The following SPAM1 variants were observed in gnomAD, a reference collection of about 807,000 sequenced individuals.
The protein encoded by SPAM1 is sperm adhesion molecule 1, also known as hyaluronidase PH-20.
In SPAM1, 22 loss-of-function variants were observed where a neutral mutation model predicts 29.6. The ratio of observed to expected loss-of-function variants is 0.74; its 90% CI spans 0.53 to 1.06. SPAM1 has a LOEUF of 1.06. SPAM1 is among the 50% of genes least tolerant of loss of function. The pLI, the probability that SPAM1 is intolerant of heterozygous loss-of-function variation, is 0.00. For synonymous variants in SPAM1, 194 were observed against 204.6 expected, an observed-to-expected ratio of 0.95 and a Z score of 0.44; for missense variants, 534 against 604.0, an observed-to-expected ratio of 0.88 and a Z score of 1.21.
downstream of SPAM1, among the ~76,000 whole-genome samples, chr7:123,963,441 T>C (rs1792385532): frequency 6.6e-6 from 1 of 151,872 alleles, no homozygotes; most frequent in Non-Finnish European, 1.5e-5. Flanking sequence ...TATGGCTTTT[T>C]AGATACCAAT....
downstream of SPAM1, among the ~76,000 whole-genome samples, chr7:123,962,907 TTCCATATAGCAA>T (rs1319173575): frequency 6.6e-6 from 1 of 151,868 alleles, no homozygotes; most frequent in Admixed American, 6.6e-5. Context: ...ATAACTTGCT[TTCCATATAGCAA>T]TATATTTTGG....
chr7:123,967,938 G>C (rs1030877161), intron 5 of SPAM1, among the ~76,000 whole-genome samples: 3 of 152,010 alleles, frequency 2.0e-5, no homozygotes, highest in Admixed American at 1.3e-4. Context: ...CTTGAATTAG[G>C]AAAGTATTAG....
chr7:123,937,526 G>A (rs540136963), intron 1 of SPAM1, among the ~76,000 whole-genome samples: 35 of 151,042 alleles, frequency 2.3e-4, no homozygotes, highest in Admixed American at 1.6e-3. Context: ...GATTGAACCC[G>A]GGAGGCGGAG....
intron 5 of SPAM1, among the ~76,000 whole-genome samples, chr7:123,965,171 C>A (rs1179754833): frequency 6.6e-6 from 1 of 151,914 alleles, no homozygotes; most frequent in Non-Finnish European, 1.5e-5. Flanking sequence ...GTGGCTTTGA[C>A]TCCCAAGCCT....
At chr7:123,968,438 G>T (rs140086384) in intron 5 of SPAM1, among the ~76,000 whole-genome samples, 2 of 151,972 alleles carry the variant, frequency 1.3e-5, no homozygotes, top group African/African-American at 4.8e-5. Context: ...CTTCAGTCTG[G>T]TCTGGAGTAA....
chr7:123,968,647 G>A (rs953634172), intron 5 of SPAM1, among the ~76,000 whole-genome samples: 14 of 151,918 alleles, frequency 9.2e-5, no homozygotes, highest in African/African-American at 3.4e-4. Flanking sequence ...AAAAGATAAG[G>A]GCAGTGTCTT....
At chr7:123,956,623 T>C (rs1792253377) in intron 4 of SPAM1, among the ~76,000 whole-genome samples, 1 of 151,980 alleles carries the variant, frequency 6.6e-6, no homozygotes, top group Non-Finnish European at 1.5e-5. Context: ...TTATTAAAAA[T>C]TAAATGATAA....
intron 1 of SPAM1, among the ~76,000 whole-genome samples, chr7:123,944,329 C>T (rs141480981): frequency 1.1e-4 from 16 of 152,124 alleles, no homozygotes; most frequent in African/African-American, 3.1e-4. Context: ...GAAGTCAAAG[C>T]CCTGTACTCA....
intron 5 of SPAM1, among the ~76,000 whole-genome samples, chr7:123,968,030 AT>A (rs1018193814): frequency 6.6e-6 from 1 of 151,912 alleles, no homozygotes; most frequent in Non-Finnish European, 1.5e-5. Flanking sequence ...AAGGAACCTA[AT>A]TTTTTGCAGG....
At chr7:123,937,462 A>C (rs189362938) in intron 1 of SPAM1, among the ~76,000 whole-genome samples, 1 of 151,886 alleles carries the variant, frequency 6.6e-6, no homozygotes, top group Non-Finnish European at 1.5e-5. Flanking sequence ...TTAGCCGGGC[A>C]TGGTGGCGGG....
At chr7:123,965,272 A>T (rs993355984) in intron 5 of SPAM1, among the ~76,000 whole-genome samples, 1 of 151,694 alleles carries the variant, frequency 6.6e-6, no homozygotes, top group African/African-American at 2.4e-5. Flanking sequence ...ATTCCTTTTC[A>T]CTCCAGGCTT....
chr7:123,954,727 G>A (rs1002250108), intron 3 of SPAM1, among the ~76,000 whole-genome samples: 2 of 151,788 alleles, frequency 1.3e-5, no homozygotes, highest in East Asian at 2.0e-4. Context: ...TTAGTAAGCC[G>A]GGAGAATTAG....
intron 4 of SPAM1, among the ~76,000 whole-genome samples, chr7:123,958,835 A>G (rs1792302161): frequency 7.0e-6 from 1 of 142,836 alleles, no homozygotes; most frequent in Non-Finnish European, 1.5e-5. Context: ...TTGTCTCAGG[A>G]AAAAAAAAAA....
At chr7:123,958,425 T>C (rs1792291637) in intron 4 of SPAM1, among the ~76,000 whole-genome samples, 1 of 152,094 alleles carries the variant, frequency 6.6e-6, no homozygotes, top group African/African-American at 2.4e-5. Flanking sequence ...TGTCATTATT[T>C]ACCCATAACT....
At chr7:123,944,004 T>A (rs2117042962) in intron 1 of SPAM1, among the ~76,000 whole-genome samples, 1 of 152,320 alleles carries the variant, frequency 6.6e-6, no homozygotes, top group Non-Finnish European at 1.5e-5. Context: ...AGAAGTGGGT[T>A]AATTCTCCAA....
chr7:123,964,900 G>T (rs1190326999), downstream of SPAM1, among the ~76,000 whole-genome samples: 1 of 151,924 alleles, frequency 6.6e-6, no homozygotes, highest in Non-Finnish European at 1.5e-5. Flanking sequence ...AGTTAGAGTT[G>T]ACTTTAGTGA....
chr7:123,965,217 G>A (rs1792407389), intron 5 of SPAM1, among the ~76,000 whole-genome samples: 1 of 151,938 alleles, frequency 6.6e-6, no homozygotes, highest in Non-Finnish European at 1.5e-5. Context: ...GCTCCTGCAA[G>A]GATGTGAAGT....
In SPAM1 at chr7:123,925,318, G is replaced by A. The variant is rs1159329458; in HGVS notation, c.-353G>A. On this transcript the variant is annotated 5_prime_UTR_variant, in exon 1 of 5. Coordinates refer to ENST00000682466, the MANE Select transcript of SPAM1 (RefSeq NM_153189.3). The stretch of plus-strand genomic sequence containing the variant: ...CAGAAAGTATGATAGCAGTGTAGGT[G>A]GTTAGCAGCACCTCATAAGGTCCTT... The A allele has an allele frequency of 2.0e-5, 3 of 152,252 alleles. No individual in the cohort carries two copies. The highest frequency in any genetic ancestry group is 2.9e-5 in the Non-Finnish European group (2 of 68,028). 9.4% of individuals were successfully genotyped at this position (152,252 alleles called of 1,614,324 possible).
chr7:123,966,683 C>T lies in SPAM1; in HGVS notation c.1486-3515C>T, dbSNP rs191561047. Among the ~76,000 whole-genome samples the T allele has an allele frequency of 5.3e-5, 8 of 152,150 alleles. No individual in the cohort carries two copies. The East Asian group carries it at 1.6e-3, about 30-fold the overall frequency. ...TAACACAGTAACAGAAAACCAAACACCACATGTTCTTCTTACAAATGGGAG... is the reference window on the plus strand; with the variant it reads ...TAACACAGTAACAGAAAACCAAACATCACATGTTCTTCTTACAAATGGGAG... On this transcript the variant is annotated intron_variant, in intron 5 of 6. Transcript: ENST00000340011.
Sources: gnomAD v4.1 joint callset for allele counts (sites outside exome capture counted in the v4.1 genomes callset) on GRCh38, gnomAD v4.1.1 for gene constraint, MANE v1.5 for transcripts, NCBI Gene and HGNC (gene_info 2026-07-23, HGNC 2026-07-21) for gene names.